The following FSTL5 variants were observed in gnomAD, a reference collection of about 807,000 sequenced individuals.
FSTL5 encodes follistatin-related protein 5.
Under a neutral mutation model 89.1 loss-of-function variants are expected in FSTL5, and 62 were observed. That is an observed-to-expected ratio of 0.70 (90% CI 0.57 to 0.86). The LOEUF (loss-of-function observed/expected upper bound fraction) is 0.86. Ranked by LOEUF, FSTL5 falls within the 40% of genes least tolerant of loss-of-function variation. The pLI, the probability that FSTL5 is intolerant of heterozygous loss-of-function variation, is 0.00. For missense variants in FSTL5, 1,057 were observed against 1,001.6 expected, an observed-to-expected ratio of 1.06 and a Z score of -0.75; for synonymous variants, 383 against 346.2, an observed-to-expected ratio of 1.11 and a Z score of -1.18.
chr4:161,691,721 C>A (rs559572163), intron 6 of FSTL5, among the ~76,000 whole-genome samples: 91 of 152,144 alleles, frequency 6.0e-4, no homozygotes, highest in African/African-American at 2.1e-3. Context: ...TCTAAGCATA[C>A]AAGTCTTTTA....
At chr4:161,461,460 C>CAAAAAA (rs58371125) in intron 13 of FSTL5, among the ~76,000 whole-genome samples, 2 of 45,370 alleles carry the variant, frequency 4.4e-5, no homozygotes, top group East Asian at 8.2e-4. Flanking sequence ...GACTCCGTCT[C>CAAAAAA]AAAAAAAAAA....
chr4:161,966,770 A>C (rs762699602), intron 3 of FSTL5, among the ~76,000 whole-genome samples: 10 of 151,964 alleles, frequency 6.6e-5, no homozygotes, highest in Non-Finnish European at 1.5e-4. Context: ...GTGAGAAACA[A>C]ATTTCTGTTG....
At chr4:161,415,774 G>GATATATATATGATATATATACAC (rs1560884060) in intron 15 of FSTL5, among the ~76,000 whole-genome samples, 3 of 141,940 alleles carry the variant, frequency 2.1e-5, no homozygotes, top group East Asian at 4.4e-4. Flanking sequence ...ACATATAGGG[G>GATATATATATGATATATATACAC]ATATATATAT....
At chr4:161,999,679 A>T (rs922545578) in intron 3 of FSTL5, among the ~76,000 whole-genome samples, 2 of 152,240 alleles carry the variant, frequency 1.3e-5, no homozygotes, top group African/African-American at 4.8e-5. Flanking sequence ...AATTGTCACC[A>T]TGATAGCCAA....
chr4:162,073,250 G>T (rs1008422980), intron 2 of FSTL5, among the ~76,000 whole-genome samples: 1 of 151,588 alleles, frequency 6.6e-6, no homozygotes, highest in Non-Finnish European at 1.5e-5. Flanking sequence ...ATGTGTATGT[G>T]TGTGTGTGTA....
chr4:161,969,971 T>A (rs1735435630), intron 3 of FSTL5, among the ~76,000 whole-genome samples: 1 of 152,012 alleles, frequency 6.6e-6, no homozygotes. Context: ...GGTGAAAGGG[T>A]ATGAGCTAAA....
intron 13 of FSTL5, among the ~76,000 whole-genome samples, chr4:161,473,801 A>G (rs968188061): frequency 9.2e-5 from 14 of 152,152 alleles, no homozygotes; most frequent in Non-Finnish European, 1.6e-4. Flanking sequence ...TACTCAGTGC[A>G]TGGACTATCC....
At chr4:161,515,285 C>T (rs1215082992) in intron 10 of FSTL5, among the ~76,000 whole-genome samples, 6 of 151,990 alleles carry the variant, frequency 3.9e-5, no homozygotes, top group Admixed American at 2.0e-4. Flanking sequence ...GCAATCTCCA[C>T]GTACTGGGTT....
At chr4:162,023,858 C>G (rs1578956808) in intron 3 of FSTL5, among the ~76,000 whole-genome samples, 1 of 152,096 alleles carries the variant, frequency 6.6e-6, no homozygotes. Context: ...GGCTTCAGAG[C>G]CACACTGCCT....
chr4:162,005,001 T>A (rs535121934), intron 3 of FSTL5, among the ~76,000 whole-genome samples: 65 of 152,294 alleles, frequency 4.3e-4, no homozygotes, highest in African/African-American at 1.5e-3. Context: ...GTATTATCCT[T>A]ATAAAATTTG....
At chr4:161,387,023 C>G (rs974371100) in intron 15 of FSTL5, 1 of 151,962 alleles carries the variant, frequency 6.6e-6, no homozygotes, top group Non-Finnish European at 1.5e-5. Context: ...TAATGAAGAA[C>G]TTTATTTTTA....
intron 6 of FSTL5, among the ~76,000 whole-genome samples, chr4:161,744,299 T>C (rs1157180733): frequency 6.6e-6 from 1 of 152,118 alleles, no homozygotes; most frequent in East Asian, 1.9e-4. Context: ...TAATTATACA[T>C]TCAACACTTA....
chr4:161,658,788 A>G (rs552365772), intron 6 of FSTL5, among the ~76,000 whole-genome samples: 7 of 152,338 alleles, frequency 4.6e-5, no homozygotes, highest in Non-Finnish European at 1.0e-4. Context: ...AATTATTAAT[A>G]ATTTCCCATT....
At chr4:161,587,324 A>C in intron 8 of FSTL5, 131 bp downstream of exon 8, 3 of 689,086 alleles carry the variant, frequency 4.4e-6, no homozygotes, top group Non-Finnish European at 7.2e-6. Context: ...AAAAACTTTT[A>C]CATTATCAGT....
chr4:161,894,020 C>T (rs1181471358), intron 4 of FSTL5, among the ~76,000 whole-genome samples: 1 of 152,076 alleles, frequency 6.6e-6, no homozygotes. Flanking sequence ...TGGTTTTTAT[C>T]CAATTTATAT....
At chr4:161,680,235 G>A (rs1224856629) in intron 6 of FSTL5, among the ~76,000 whole-genome samples, 1 of 151,726 alleles carries the variant, frequency 6.6e-6, no homozygotes, top group Non-Finnish European at 1.5e-5. Context: ...TTACTTAACA[G>A]GATACAAAGT....
At chr4:162,055,553 AG>A (rs1738515101) in intron 2 of FSTL5, among the ~76,000 whole-genome samples, 1 of 151,666 alleles carries the variant, frequency 6.6e-6, no homozygotes, top group Non-Finnish European at 1.5e-5. Context: ...ATAGATAGAT[AG>A]ATAGATAGAC....
At chr4:162,041,822 A>G (rs967813415) in intron 2 of FSTL5, 15 of 152,122 alleles carry the variant, frequency 9.9e-5, no homozygotes, top group Non-Finnish European at 2.1e-4. Context: ...ATTTTATTGC[A>G]TACATATTCT....
intron 2 of FSTL5, among the ~76,000 whole-genome samples, chr4:162,056,286 A>G (rs1738539504): frequency 6.6e-6 from 1 of 152,050 alleles, no homozygotes; most frequent in African/African-American, 2.4e-5. Flanking sequence ...AACTAGAATC[A>G]ATGCTGATGA....
Sources: allele counts gnomAD v4.1 joint callset (sites outside exome capture counted in the v4.1 genomes callset), GRCh38; gene constraint gnomAD v4.1.1; transcripts MANE v1.5; gene names NCBI Gene and HGNC (gene_info 2026-07-23, HGNC 2026-07-21).